The following MYO3B variants were observed in gnomAD, a reference collection of about 807,000 sequenced individuals.
The protein encoded by MYO3B is myosin-IIIb.
Under a neutral mutation model 174.6 loss-of-function variants are expected in MYO3B, and 156 were observed. The ratio of observed to expected loss-of-function variants is 0.89; its 90% CI spans 0.78 to 1.02. MYO3B has a LOEUF of 1.02. Among genes scored for constraint, MYO3B ranks in the 50% least tolerant of loss-of-function variants. The pLI is 0.00. For missense variants in MYO3B, 1,632 were observed against 1,639.4 expected (o/e 1.00, Z 0.08); for synonymous variants, 563 against 569.1 (o/e 0.99, Z 0.15).
intron 32 of MYO3B, among the ~76,000 whole-genome samples, chr2:170,600,906 T>C (rs1183295367): frequency 6.6e-6 from 1 of 152,240 alleles, no homozygotes; most frequent in Non-Finnish European, 1.5e-5. Context: ...ATTGATTACT[T>C]ATCAGTTTGT....
At chr2:170,628,849 A>T (rs1470090127) in intron 32 of MYO3B, among the ~76,000 whole-genome samples, 1 of 152,106 alleles carries the variant, frequency 6.6e-6, no homozygotes, top group Non-Finnish European at 1.5e-5. Context: ...TTTACCAAAC[A>T]ATTTTTTTTA....
rs1287650415 is a variant in MYO3B, at chr2:170,652,367, C to T, written c.3887+213C>T. ...AAAGGTTGAAATTGTCACCTAAGGG[C>T]AAATGTTATTTCTCATAATTATTCC... On this transcript the variant is annotated intron_variant, in intron 34 of 34. Coordinates refer to ENST00000408978, the MANE Select transcript of MYO3B (RefSeq NM_138995.5). Among the ~76,000 whole-genome samples the T allele has an allele frequency of 6.6e-6, 1 of 152,102 alleles. No homozygotes were observed. Among genetic ancestry groups the T allele is most frequent in the Non-Finnish European group, 1.5e-5 (1 of 68,022 alleles).
intron 31 of MYO3B, 59 bp from the exon 32 acceptor site, chr2:170,543,833 C>A: frequency 1.4e-6 from 2 of 1,417,046 alleles, no homozygotes; most frequent in Non-Finnish European, 2.0e-6. Context: ...AAGCCATGTC[C>A]TTAAGGCTGT....
chr2:170,353,832 G>A (rs1451902971), intron 8 of MYO3B, among the ~76,000 whole-genome samples: 1 of 152,192 alleles, frequency 6.6e-6, no homozygotes, highest in Non-Finnish European at 1.5e-5. Flanking sequence ...TCTCTTATTA[G>A]AGTATTCATC....
At chr2:170,423,211 G>T (rs967702669) in intron 22 of MYO3B, among the ~76,000 whole-genome samples, 1 of 151,770 alleles carries the variant, frequency 6.6e-6, no homozygotes, top group African/African-American at 2.4e-5. Context: ...TTGAACTCCA[G>T]ACCTCAGGTG....
intron 22 of MYO3B, among the ~76,000 whole-genome samples, chr2:170,422,422 A>G (rs1348081229): frequency 6.6e-6 from 1 of 150,890 alleles, no homozygotes; most frequent in African/African-American, 2.4e-5. Context: ...ACCTTATGGG[A>G]CAGTGCTATA....
At chr2:170,594,316 G>A (rs572381871) in intron 32 of MYO3B, among the ~76,000 whole-genome samples, 2 of 152,060 alleles carry the variant, frequency 1.3e-5, no homozygotes, top group Admixed American at 6.5e-5. Context: ...AAAAAGTATC[G>A]TCAGTGCATG....
chr2:170,470,311 G>A (rs1039247816), intron 25 of MYO3B, among the ~76,000 whole-genome samples: 1 of 151,972 alleles, frequency 6.6e-6, no homozygotes, highest in Non-Finnish European at 1.5e-5. Context: ...CATCTGTATG[G>A]ATTTGCCTAT....
intron 1 of MYO3B, among the ~76,000 whole-genome samples, chr2:170,185,935 G>C (rs6705705): frequency 0.43 from 64,622 of 151,908 alleles, 15,097 homozygotes; most frequent in East Asian, 0.57. Context: ...TCTTTTTCCA[G>C]TTGTTTGCTA....
intron 28 of MYO3B, among the ~76,000 whole-genome samples, chr2:170,508,686 C>T (rs777523545): frequency 2.6e-5 from 4 of 152,174 alleles, no homozygotes; most frequent in Non-Finnish European, 5.9e-5. Context: ...TTGAATATGA[C>T]ACATTGGAAA....
At position 170,214,810 on chromosome 2, in the gene MYO3B, G is replaced by A. The variant is rs1559305545; in HGVS notation, c.508G>A (p.Val170Ile). 1 of 1,613,782 alleles carries A rather than the reference G, an allele frequency of 6.2e-7. No individual in the cohort carries two copies. The highest frequency in any genetic ancestry group is 8.5e-7 in the Non-Finnish European group (1 of 1,179,694). ...NNILLTTEGGVKLVDFGVSAQ... is the reference protein window; with the variant it reads ...NNILLTTEGGIKLVDFGVSAQ... ...CATTCTTCTGACAACAGAAGGAGGA[G>A]TTAAGCTCGTTGACTTTGGTAATGA... The change falls in exon 5 of 35, where the codon GTT becomes ATT. Residue 170 changes from valine (V) to isoleucine (I), a missense_variant. Val to Ile is a conservative substitution (Grantham distance 29, BLOSUM62 3). Transcript: ENST00000408978.
At chr2:170,442,598 A>C (rs2094809429) in intron 22 of MYO3B, among the ~76,000 whole-genome samples, 1 of 150,592 alleles carries the variant, frequency 6.6e-6, no homozygotes, top group Admixed American at 6.7e-5. Context: ...GGTGTGCTGC[A>C]CCCATTAACT....
intron 8 of MYO3B, chr2:170,340,328 A>G (rs2093969289): frequency 6.6e-6 from 1 of 152,202 alleles, no homozygotes; most frequent in Non-Finnish European, 1.5e-5. Context: ...GGGCAATTCC[A>G]CCAATAGCAT....
At chr2:170,291,333 TGA>T (rs372686146) in intron 7 of MYO3B, among the ~76,000 whole-genome samples, 135 of 152,224 alleles carry the variant, frequency 8.9e-4, no homozygotes, top group African/African-American at 2.8e-3. Flanking sequence ...CCCCAAATTT[TGA>T]CTTTTAGTTG....
At chr2:170,378,924 C>G (rs927392424) in intron 9 of MYO3B, among the ~76,000 whole-genome samples, 5 of 152,190 alleles carry the variant, frequency 3.3e-5, no homozygotes, top group Admixed American at 2.0e-4. Context: ...TTCTGACTTC[C>G]TTCCCCAGTC....
chr2:170,621,184 C>T (rs193281895), intron 32 of MYO3B, among the ~76,000 whole-genome samples: 8 of 152,102 alleles, frequency 5.3e-5, no homozygotes, highest in African/African-American at 1.9e-4. Flanking sequence ...CCACCGCACC[C>T]GGCCAACCAT....
intron 9 of MYO3B, 88 bp downstream of exon 9, chr2:170,369,465 T>C (rs750286568): frequency 7.7e-5 from 105 of 1,371,820 alleles, no homozygotes; most frequent in Non-Finnish European, 9.8e-5. Context: ...TTATTACTGG[T>C]AGTTATTACA....
chr2:170,382,140 A>T (rs763773729), intron 10 of MYO3B, 28 bp downstream of exon 10: 21 of 1,562,484 alleles, frequency 1.3e-5, no homozygotes, highest in Non-Finnish European at 1.7e-5. Flanking sequence ...GACAATTCTC[A>T]TTGAAGACAT....
chr2:170,402,093 C>T (rs1028072115), intron 18 of MYO3B, among the ~76,000 whole-genome samples: 2 of 152,214 alleles, frequency 1.3e-5, no homozygotes, highest in African/African-American at 4.8e-5. Flanking sequence ...TGGCTGGGAG[C>T]TGGACAAACT....
Sources: gnomAD v4.1 joint callset for allele counts (sites outside exome capture counted in the v4.1 genomes callset) on GRCh38, gnomAD v4.1.1 for gene constraint, MANE v1.5 for transcripts, NCBI Gene and HGNC (gene_info 2026-07-23, HGNC 2026-07-21) for gene names.